Variants in ARL6 observed in about 807,000 individuals in gnomAD.
ARL6 encodes the protein ADP-ribosylation factor-like protein 6.
A neutral mutation model predicts 27.1 loss-of-function variants in ARL6; 18 were observed. The ratio of observed to expected loss-of-function variants is 0.66; its 90% CI spans 0.46 to 0.98. ARL6 has a LOEUF of 0.98. Ranked by LOEUF, ARL6 falls within the 50% of genes least tolerant of loss-of-function variation. ARL6 has a pLI of 0.00. For synonymous variants in ARL6, 65 were observed against 72.3 expected (o/e 0.90, Z 0.51); for missense variants, 187 against 214.9 (o/e 0.87, Z 0.81).
At chr3:97,774,079 C>T (rs1005278356) in intron 2 of ARL6, among the ~76,000 whole-genome samples, 1 of 152,182 alleles carries the variant, frequency 6.6e-6, no homozygotes, top group Non-Finnish European at 1.5e-5. Flanking sequence ...TCCTTACCTC[C>T]GTTGTGGAGT....
chr3:97,768,374 C>A, intron 2 of ARL6, 144 bp downstream of exon 2: 1 of 768,842 alleles, frequency 1.3e-6, no homozygotes, highest in Non-Finnish European at 2.1e-6. Flanking sequence ...TATCCTCAGC[C>A]ATAATTTGCA....
intron 7 of ARL6, among the ~76,000 whole-genome samples, chr3:97,797,493 T>C (rs2038059690): frequency 6.6e-6 from 1 of 152,120 alleles, no homozygotes; most frequent in African/African-American, 2.4e-5. Context: ...ATTATGAGGG[T>C]TGCCTAGGAG....
rs987851955 is a variant in ARL6, at chr3:97,780,372, T to C, written c.185+152T>C. On this transcript the variant is annotated intron_variant, in intron 3 of 7. Transcript: ENST00000463745. ...GTTTCTAACCACTATGGCTGGTTTA[T>C]TTTTCAGAATTTAGAGTTTAGACAA... The C allele has an allele frequency of 6.6e-6, 5 of 756,104 alleles. No homozygotes were observed. In the African/African-American group the frequency reaches 8.9e-5, roughly 13 times the overall value. 46.8% of individuals were successfully genotyped at this position (756,104 alleles called of 1,614,324 possible). A position where few individuals can be genotyped will look rare whatever the true frequency, so the allele number is the denominator to read the frequency against.
intron 7 of ARL6, among the ~76,000 whole-genome samples, chr3:97,793,861 G>GA (rs200263198): frequency 0.025 from 3,509 of 140,896 alleles, 98 homozygotes; most frequent in African/African-American, 0.071. Context: ...ACTGATAGTT[G>GA]AAAAAAAAAA....
At chr3:97,784,490 A>T (rs1250435963) in intron 4 of ARL6, among the ~76,000 whole-genome samples, 2 of 151,744 alleles carry the variant, frequency 1.3e-5, no homozygotes, top group Non-Finnish European at 1.5e-5. Context: ...TAAAAAAAAA[A>T]AAAATCAAGG....
chr3:97,780,687 A>C lies in ARL6; in HGVS notation c.254+4A>C. On this transcript the variant is annotated splice_donor_region_variant and intron_variant, in intron 4 of 7. Coordinates refer to ENST00000463745, the MANE Select transcript of ARL6 (RefSeq NM_001278293.3). ...ATCTCTGGGAACACTATTATAAGTA[A>C]GTACATCTGTGAATGTTGCTTAACT... 6.2e-7 allele frequency: 1 copy of C among 1,602,838 alleles called. No homozygotes were observed. Among genetic ancestry groups the C allele is most frequent in the Non-Finnish European group, 8.5e-7 (1 of 1,169,890 alleles).
chr3:97,778,117 A>G (rs2036998945), intron 2 of ARL6, among the ~76,000 whole-genome samples: 1 of 152,096 alleles, frequency 6.6e-6, no homozygotes, highest in South Asian at 2.1e-4. Flanking sequence ...TTTTTTCACA[A>G]TGATTGGCAC....
At position 97,780,628 on chromosome 3, in the gene ARL6, G is replaced by C; in HGVS notation, c.199G>C (p.Val67Leu). 6.2e-7 allele frequency: 1 copy of C among 1,612,978 alleles called. No homozygotes were observed. The highest frequency in any genetic ancestry group is 8.5e-7 in the Non-Finnish European group (1 of 1,179,228). The part of the protein sequence containing the change: ...KFKSSSLSFT[V>L]FDMSGQGRYR... ...TTCTTTTTGTAGTTTGTCATTTACAGTGTTTGACATGTCAGGTCAAGGAAG... is the reference window on the plus strand; with the variant it reads ...TTCTTTTTGTAGTTTGTCATTTACACTGTTTGACATGTCAGGTCAAGGAAG... The change falls in exon 4 of 8, where the codon GTG becomes CTG. Residue 67 changes from valine (V) to leucine (L), a missense_variant. Coordinates refer to ENST00000463745, the MANE Select transcript of ARL6 (RefSeq NM_001278293.3).
intron 6 of ARL6, chr3:97,791,126 T>C (rs2037713943): frequency 6.6e-6 from 1 of 152,184 alleles, no homozygotes; most frequent in South Asian, 2.1e-4. Context: ...GGAAGCACCC[T>C]GTTTTAGGTG....
chr3:97,797,599 A>G (rs2038064811), intron 7 of ARL6, among the ~76,000 whole-genome samples: 1 of 152,194 alleles, frequency 6.6e-6, no homozygotes. Flanking sequence ...TAGAGGTATT[A>G]TAAGTATTCA....
At chr3:97,786,703 A>G (rs1434661664) in intron 5 of ARL6, among the ~76,000 whole-genome samples, 1 of 152,198 alleles carries the variant, frequency 6.6e-6, no homozygotes, top group Non-Finnish European at 1.5e-5. Context: ...AATATTTGCA[A>G]CTCATATCAT....
intron 4 of ARL6, among the ~76,000 whole-genome samples, chr3:97,783,294 A>C (rs1394414032): frequency 6.6e-6 from 1 of 151,850 alleles, no homozygotes; most frequent in Non-Finnish European, 1.5e-5. Flanking sequence ...AACCATCTAA[A>C]TTATGTACCA....
chr3:97,780,213 T>G lies in ARL6; in HGVS notation c.178T>G (p.Ser60Ala). 6.2e-7 allele frequency: 1 copy of G among 1,611,930 alleles called. No individual in the cohort carries two copies. Among genetic ancestry groups the G allele is most frequent in the Non-Finnish European group, 8.5e-7 (1 of 1,178,416 alleles). The stretch of plus-strand genomic sequence containing the variant: ...AGGATTCAGCATAGAGAAATTCAAA[T>G]CATCCAGGTAATCCACTTTATCCCT... ...TIGFSIEKFK[S>A]SSLSFTVFDM... Residue 60 changes from serine (S) to alanine (A), a missense_variant, in exon 3 of 8, where the codon TCA (serine) becomes GCA (alanine). Transcript: ENST00000463745.
chr3:97,768,370 C>A (rs1460925692), intron 2 of ARL6, 140 bp downstream of exon 2: 2 of 817,940 alleles, frequency 2.4e-6, no homozygotes, highest in Non-Finnish European at 3.8e-6. Context: ...TAAGTATCCT[C>A]AGCCATAATT....
chr3:97,783,227 A>G lies in ARL6; in HGVS notation c.255-1728A>G, dbSNP rs1456011462. On this transcript the variant is annotated intron_variant, in intron 4 of 7. Transcript: ENST00000463745. ...ATTCACCATTGTCAATCTTTTTGGT[A>G]TCTTTCTCCTCCTTTTGAAATATAT... Among the ~76,000 whole-genome samples, 4 of 151,796 alleles carry G rather than the reference A, an allele frequency of 2.6e-5. No homozygotes were observed. In the East Asian group the frequency reaches 5.8e-4, roughly 22 times the overall value.
chr3:97,796,541 A>G lies in ARL6; in HGVS notation c.536-1483A>G, dbSNP rs185612149. On this transcript the variant is annotated intron_variant, in intron 7 of 7. Coordinates refer to ENST00000463745, the MANE Select transcript of ARL6 (RefSeq NM_001278293.3). Reference sequence around the variant, plus strand: ...TCAGAAAGAGAGAACAGAAAAAAGTAGAGGATAGCAAATCCTCGAACAGTA... The same window carrying G: ...TCAGAAAGAGAGAACAGAAAAAAGTGGAGGATAGCAAATCCTCGAACAGTA... Among the ~76,000 whole-genome samples, 375 of 152,310 alleles carry G rather than the reference A, an allele frequency of 2.5e-3. 2 individuals are homozygous for G. The highest frequency in any genetic ancestry group is 7.7e-3 in the African/African-American group (322 of 41,580).
intron 4 of ARL6, 44 bp from the exon 5 acceptor site, chr3:97,784,911 T>G (rs749915165): frequency 2.4e-5 from 35 of 1,445,648 alleles, no homozygotes; most frequent in Non-Finnish European, 3.3e-5. Context: ...ATGGAAAAAT[T>G]TATAAGTAAA....
At chr3:97,776,614 C>G (rs2036913878) in intron 2 of ARL6, among the ~76,000 whole-genome samples, 1 of 151,726 alleles carries the variant, frequency 6.6e-6, no homozygotes, top group Admixed American at 6.6e-5. Flanking sequence ...CTTCTTGCTT[C>G]TACTTCATTT....
rs1037197288 is a variant in ARL6 at position 97,791,884 on chromosome 3, A to G, written c.535+58A>G. On this transcript the variant is annotated intron_variant, in intron 7 of 7. Coordinates refer to ENST00000463745, the MANE Select transcript of ARL6 (RefSeq NM_001278293.3). ...TTGTTTCCTTTTTATTCATATTTTT[A>G]TCTTTTTTTACATTTTATTTTATTA... is the stretch of plus-strand genomic sequence containing the variant. The G allele has an allele frequency of 2.8e-6, 4 of 1,450,456 alleles. No individual in the cohort carries two copies. The Admixed American group carries it at 7.1e-5, about 26-fold the overall frequency. The allele number at this position is 1,450,456 out of a possible 1,614,324, so 89.8% of individuals were successfully genotyped here.
Sources: allele counts gnomAD v4.1 joint callset (sites outside exome capture counted in the v4.1 genomes callset), GRCh38; gene constraint gnomAD v4.1.1; transcripts MANE v1.5; gene names NCBI Gene and HGNC (gene_info 2026-07-23, HGNC 2026-07-21).